Variants in NDRG2 observed in about 807,000 individuals in gnomAD.
NDRG2 encodes NDRG family member 2.
NDRG2 carries 34 observed loss-of-function variants against 58.2 expected under a neutral mutation model. The ratio of observed to expected loss-of-function variants is 0.58; its 90% CI spans 0.44 to 0.78. The LOEUF is 0.78. NDRG2 is among the 30% of genes least tolerant of loss of function. NDRG2 has a pLI of 0.00. For missense variants in NDRG2, 434 were observed against 471.2 expected, an observed-to-expected ratio of 0.92 and a Z score of 0.73; for synonymous variants, 187 against 175.9, an observed-to-expected ratio of 1.06 and a Z score of -0.50.
intron 1 of NDRG2, chr14:21,043,598 G>A: frequency 1.5e-6 from 1 of 661,062 alleles, no homozygotes; most frequent in Non-Finnish European, 2.6e-6. Context: ...CTGGGAGGCT[G>A]AAGCTGACAC....
At chr14:21,061,120 C>T (rs1231487242) in intron 1 of NDRG2, among the ~76,000 whole-genome samples, 1 of 152,158 alleles carries the variant, frequency 6.6e-6, no homozygotes, top group Non-Finnish European at 1.5e-5. Context: ...CAAATGGATT[C>T]TGTAACGTTT....
At chr14:21,058,879 G>A (rs1410440635) in intron 1 of NDRG2, among the ~76,000 whole-genome samples, 1 of 152,214 alleles carries the variant, frequency 6.6e-6, no homozygotes, top group East Asian at 1.9e-4. Flanking sequence ...CTGTCTTGGG[G>A]TAAGTGGAGA....
At position 21,019,931 on chromosome 14, in the gene NDRG2, G is replaced by C. The variant is rs1378727164; in HGVS notation, c.601C>G (p.Leu201Val). 1 of 1,613,978 alleles carries C rather than the reference G, an allele frequency of 6.2e-7. No individual in the cohort carries two copies. Among genetic ancestry groups the C allele is most frequent in the African/African-American group, 1.3e-5 (1 of 74,906 alleles). ...SSIPEMILGH[L>V]FSQEELSGNS... Reference sequence around the variant, plus strand: ...CTACACCCACTTACCTGGCTGAAAAGATGTCCAAGGATCATCTCCGGAATG... The same window carrying C: ...CTACACCCACTTACCTGGCTGAAAACATGTCCAAGGATCATCTCCGGAATG... The change falls in exon 9 of 16, where the codon CTT becomes GTT. Residue 201 changes from leucine to valine, a missense_variant. Leu to Val is a conservative substitution (Grantham distance 32). Coordinates refer to ENST00000556147, the MANE Select transcript of NDRG2 (RefSeq NM_001320329.2).
At chr14:21,062,177 G>T (rs1187824274) in intron 1 of NDRG2, among the ~76,000 whole-genome samples, 1 of 152,196 alleles carries the variant, frequency 6.6e-6, no homozygotes, top group Non-Finnish European at 1.5e-5. Flanking sequence ...AATACTCTTT[G>T]TTGGACACAA....
intron 1 of NDRG2, among the ~76,000 whole-genome samples, chr14:21,048,878 G>A (rs1407492927): frequency 6.6e-6 from 1 of 152,146 alleles, no homozygotes; most frequent in African/African-American, 2.4e-5. Context: ...AGTAGATAAG[G>A]GAAGGTTCAA....
At chr14:21,043,406 G>A (rs1457526283) in intron 1 of NDRG2, 2 of 1,610,346 alleles carry the variant, frequency 1.2e-6, no homozygotes. Flanking sequence ...AGCCTCCCCA[G>A]AAAAAGGACT....
chr14:21,043,576 G>A (rs1180359356), intron 1 of NDRG2: 4 of 756,192 alleles, frequency 5.3e-6, no homozygotes, highest in East Asian at 2.7e-5. Flanking sequence ...GCTGTTCCTG[G>A]TTCAGCCTCT....
intron 1 of NDRG2, among the ~76,000 whole-genome samples, chr14:21,067,391 A>C (rs1467148226): frequency 6.6e-6 from 1 of 152,188 alleles, no homozygotes; most frequent in East Asian, 1.9e-4. Context: ...TGGTGGCAGA[A>C]ATGGTGATGT....
At chr14:21,018,972 C>A (rs1878503398) in intron 11 of NDRG2, 144 bp downstream of exon 11, 2 of 1,254,440 alleles carry the variant, frequency 1.6e-6, no homozygotes, top group Non-Finnish European at 2.2e-6. Context: ...GGGGGAAGAC[C>A]TAGAGGGAAG....
chr14:21,022,441 G>C lies in NDRG2; in HGVS notation c.174C>G (p.Pro58=). The C allele has an allele frequency of 6.2e-7, 1 of 1,614,094 alleles. No individual in the cohort carries two copies. The highest frequency in any genetic ancestry group is 8.5e-7 in the Non-Finnish European group (1 of 1,179,972). ...GSVTFTVYGT[P]KPKRPAILTY... is the part of the protein sequence containing the mutation. ...TAAGGATCGCTGGGCGTTTGGGTTT[G>C]GGGGTGCCATAGACAGTGAAAGTGA... Residue 58 remains proline, a synonymous_variant, in exon 4 of 16, where the codon CCC becomes CCG. Transcript: ENST00000556147.
intron 12 of NDRG2, 78 bp downstream of exon 12, chr14:21,018,685 C>T (rs1305750458): frequency 6.2e-7 from 1 of 1,604,666 alleles, no homozygotes; most frequent in African/African-American, 1.3e-5. Context: ...AGGACATCCC[C>T]TTGGCAAGAT....
chr14:21,045,560 A>G (rs1307424960), intron 1 of NDRG2, among the ~76,000 whole-genome samples: 1 of 151,994 alleles, frequency 6.6e-6, no homozygotes, highest in East Asian at 1.9e-4. Flanking sequence ...GGGGCAGCCG[A>G]TTTTTCTCTT....
At chr14:21,018,593 T>G in intron 12 of NDRG2, 89 bp from the exon 13 acceptor site, 1 of 1,561,458 alleles carries the variant, frequency 6.4e-7, no homozygotes, top group Non-Finnish European at 8.6e-7. Context: ...CCCCAGTCCC[T>G]TTTCTATCAG....
upstream of NDRG2, among the ~76,000 whole-genome samples, chr14:21,028,114 G>A (rs1326909982): frequency 6.6e-6 from 1 of 151,990 alleles, no homozygotes; most frequent in Non-Finnish European, 1.5e-5. Context: ...TCCCCACCCC[G>A]GTCCATTCCA....
At chr14:21,061,340 A>G (rs1272869126) in intron 1 of NDRG2, among the ~76,000 whole-genome samples, 1 of 152,212 alleles carries the variant, frequency 6.6e-6, no homozygotes, top group East Asian at 1.9e-4. Flanking sequence ...TGAATCGTTA[A>G]GGAGACTAAT....
At chr14:21,030,694 G>A (rs1471886826), upstream of NDRG2, 2 of 1,614,202 alleles carry the variant, frequency 1.2e-6, no homozygotes, top group African/African-American at 2.7e-5. Flanking sequence ...AAAGACTGTG[G>A]CATCATGGAT....
intron 3 of NDRG2, 43 bp from the exon 4 acceptor site, chr14:21,022,540 G>A (rs764707607): frequency 2.7e-6 from 4 of 1,482,684 alleles, no homozygotes; most frequent in Non-Finnish European, 2.8e-6. Flanking sequence ...CAGAGGAGAC[G>A]AGGCCAGAAA....
Position 21,020,906 on chromosome 14 carries a change from A to G in NDRG2, c.408-62T>C, listed in dbSNP as rs548526213. On this transcript the variant is annotated intron_variant, in intron 6 of 15. Transcript: ENST00000556147. ...TGCTGTCCAAAACCTGCCACAGCCC[A>G]TCTCTTCAAACTCTTCACCCTCCCT... 8.3e-6 allele frequency: 13 copies of G among 1,563,780 alleles called. No individual in the cohort carries two copies. The African/African-American group carries it at 1.8e-4, about 21-fold the overall frequency.
chr14:21,017,270 C>A lies in NDRG2; in HGVS notation c.*326G>T, dbSNP rs1877283102. On this transcript the variant is annotated 3_prime_UTR_variant, in exon 16 of 16. Coordinates refer to ENST00000556147, the MANE Select transcript of NDRG2 (RefSeq NM_001320329.2). ...GAGTCTGATGGAGGCACCAGGACAACTACAACAACCTCTTACCCCTCAGCT... is the reference window on the plus strand; with the variant it reads ...GAGTCTGATGGAGGCACCAGGACAAATACAACAACCTCTTACCCCTCAGCT... 9.8e-6 allele frequency: 4 copies of A among 406,272 alleles called. No individual in the cohort carries two copies. Among genetic ancestry groups the A allele is most frequent in the Admixed American group, 7.2e-5 (2 of 27,832 alleles). The allele number at this position is 406,272 out of a possible 1,614,324, so 25.2% of individuals were successfully genotyped here.
Sources: allele counts gnomAD v4.1 joint callset (sites outside exome capture counted in the v4.1 genomes callset), GRCh38; gene constraint gnomAD v4.1.1; transcripts MANE v1.5; gene names NCBI Gene and HGNC (gene_info 2026-07-23, HGNC 2026-07-21).